The following CSMD1 variants were observed in gnomAD, a reference collection of about 807,000 sequenced individuals.
CSMD1 encodes CUB and Sushi multiple domains 1.
In CSMD1, 213 loss-of-function variants were observed where a neutral mutation model predicts 417.5. The ratio of observed to expected loss-of-function variants is 0.51; its 90% CI spans 0.46 to 0.57. The LOEUF is 0.57. Among genes scored for constraint, CSMD1 ranks in the 20% least tolerant of loss-of-function variants. The probability of loss-of-function intolerance (pLI) is 0.00; values close to 1 mark genes in which losing one functional copy is unlikely to be tolerated. For synonymous variants in CSMD1, 2,862 were observed against 1,736.8 expected, an observed-to-expected ratio of 1.65 and a Z score of -16.11; for missense variants, 6,923 against 4,529.7, an observed-to-expected ratio of 1.53 and a Z score of -15.17.
At chr8:4,725,516 G>C (rs1457532312) in intron 1 of CSMD1, among the ~76,000 whole-genome samples, 1 of 152,146 alleles carries the variant, frequency 6.6e-6, no homozygotes, top group Non-Finnish European at 1.5e-5. Context: ...ATCGCACAGA[G>C]ATTTCCATTT....
intron 3 of CSMD1, among the ~76,000 whole-genome samples, chr8:4,230,371 C>T (rs1418568173): frequency 1.3e-5 from 2 of 152,134 alleles, no homozygotes; most frequent in African/African-American, 4.8e-5. Context: ...TGGTGACCTA[C>T]CTGAGGTCAG....
At chr8:4,113,786 C>T (rs1801986473) in intron 3 of CSMD1, among the ~76,000 whole-genome samples, 1 of 152,158 alleles carries the variant, frequency 6.6e-6, no homozygotes, top group Admixed American at 6.5e-5. Flanking sequence ...AAGTTATCTG[C>T]ATAAAACACC....
At chr8:3,104,610 T>A (rs1815996178) in intron 46 of CSMD1, among the ~76,000 whole-genome samples, 1 of 152,214 alleles carries the variant, frequency 6.6e-6, no homozygotes. Flanking sequence ...CCAATTTTTC[T>A]TCAGATGTAG....
In CSMD1 at chr8:3,144,004, T is replaced by C. The variant is rs542166273; in HGVS notation, c.6032-1330A>G. On this transcript the variant is annotated intron_variant, in intron 40 of 69. Transcript: ENST00000635120. ...ATTTAAAGTCATACAAGAAAAACAA[T>C]TTCATTAATTATGGAGAAACTTGGC... Among the ~76,000 whole-genome samples the C allele has an allele frequency of 3.9e-5, 6 of 152,284 alleles. No homozygotes were observed. The East Asian group carries it at 1.2e-3, about 29-fold the overall frequency.
At chr8:3,776,510 C>T (rs1326223030) in intron 5 of CSMD1, among the ~76,000 whole-genome samples, 1 of 152,130 alleles carries the variant, frequency 6.6e-6, no homozygotes, top group East Asian at 1.9e-4. Context: ...TCTTAAACAC[C>T]CTGGGGCCTT....
At chr8:3,280,523 T>C (rs934320714) in intron 26 of CSMD1, among the ~76,000 whole-genome samples, 2 of 152,190 alleles carry the variant, frequency 1.3e-5, no homozygotes, top group Non-Finnish European at 2.9e-5. Context: ...GTCAATGTTA[T>C]ATTCTAGCCC....
At chr8:3,171,880 T>A (rs1383318639) in intron 37 of CSMD1, among the ~76,000 whole-genome samples, 1 of 152,192 alleles carries the variant, frequency 6.6e-6, no homozygotes, top group African/African-American at 2.4e-5. Context: ...TTAATACTTG[T>A]TAAATAGTTT....
At chr8:3,688,642 G>T (rs1206129179) in intron 7 of CSMD1, among the ~76,000 whole-genome samples, 4 of 152,132 alleles carry the variant, frequency 2.6e-5, no homozygotes, top group Non-Finnish European at 5.9e-5. Flanking sequence ...ACAAATTCTA[G>T]ATTTTTCAGT....
At chr8:4,169,244 G>A (rs1008779504) in intron 3 of CSMD1, among the ~76,000 whole-genome samples, 1 of 152,088 alleles carries the variant, frequency 6.6e-6, no homozygotes. Context: ...TCTCAATACT[G>A]CACACAGATG....
At chr8:4,522,657 C>T (rs1180154045) in intron 2 of CSMD1, among the ~76,000 whole-genome samples, 1 of 152,140 alleles carries the variant, frequency 6.6e-6, no homozygotes, top group Non-Finnish European at 1.5e-5. Flanking sequence ...ATTTTCTTCT[C>T]TGTCCGCAGC....
At chr8:4,708,409 G>T (rs528968152) in intron 1 of CSMD1, among the ~76,000 whole-genome samples, 4 of 152,054 alleles carry the variant, frequency 2.6e-5, no homozygotes, top group African/African-American at 4.8e-5. Flanking sequence ...ATATGTATCT[G>T]GTAAAAAGTA....
chr8:3,738,809 C>A (rs776311857), intron 6 of CSMD1, among the ~76,000 whole-genome samples: 2 of 152,180 alleles, frequency 1.3e-5, no homozygotes, highest in Non-Finnish European at 2.9e-5. Flanking sequence ...TAGGCTCACA[C>A]GCGTGACACC....
At chr8:4,122,554 G>A (rs937120612) in intron 3 of CSMD1, among the ~76,000 whole-genome samples, 2 of 152,158 alleles carry the variant, frequency 1.3e-5, no homozygotes, top group South Asian at 2.1e-4. Flanking sequence ...GTCACCCCGT[G>A]CTTTCCCAAT....
Position 3,369,340 on chromosome 8 carries a change from C to G in CSMD1, c.2813G>C (p.Ser938Thr), listed in dbSNP as rs754608415. Reference protein sequence around the residue: ...ALCGGYIQGKSGTVLSPGFPD... With the variant: ...ALCGGYIQGKTGTVLSPGFPD... ...AAACCCAGGAGAAAGGACTGTTCCA[C>G]TCTTCCCTTGGATGTAGCCTCCACA... The change falls in exon 19 of 70, where the codon AGT (serine) becomes ACT (threonine). Residue 938 changes from serine to threonine, a missense_variant. Ser to Thr is a moderately conservative substitution (Grantham distance 58). Transcript: ENST00000635120. 2 of 1,599,344 alleles carry G rather than the reference C, an allele frequency of 1.3e-6. 1 individual carries two copies. The highest frequency in any genetic ancestry group is 2.2e-5 in the South Asian group (2 of 90,422).
chr8:3,264,453 C>T (rs141935530), intron 26 of CSMD1, among the ~76,000 whole-genome samples: 2 of 152,062 alleles, frequency 1.3e-5, no homozygotes, highest in Non-Finnish European at 2.9e-5. Context: ...TTATTTCTGT[C>T]AGTTTGAATC....
At chr8:4,904,191 A>G (rs958307732) in intron 1 of CSMD1, among the ~76,000 whole-genome samples, 12 of 152,178 alleles carry the variant, frequency 7.9e-5, no homozygotes, top group Admixed American at 2.0e-4. Context: ...AACTCTGGTC[A>G]TAACATGATG....
At chr8:4,944,499 C>A (rs1371235047) in intron 1 of CSMD1, among the ~76,000 whole-genome samples, 1 of 152,162 alleles carries the variant, frequency 6.6e-6, no homozygotes, top group Non-Finnish European at 1.5e-5. Flanking sequence ...CTTGGGAAAG[C>A]TGAAAGAACA....
intron 5 of CSMD1, among the ~76,000 whole-genome samples, chr8:3,992,246 T>C (rs2257316): frequency 0.19 from 28,497 of 151,966 alleles, 3,040 homozygotes; most frequent in Non-Finnish European, 0.24. Flanking sequence ...AAAACAACAC[T>C]TCTAAGCTCT....
intron 3 of CSMD1, among the ~76,000 whole-genome samples, chr8:4,295,011 G>C (rs1797580731): frequency 6.7e-6 from 1 of 148,484 alleles, no homozygotes; most frequent in African/African-American, 2.5e-5. Flanking sequence ...AATCTAAGGT[G>C]TTAAGATTAT....
Sources: gnomAD v4.1 joint callset for allele counts (sites outside exome capture counted in the v4.1 genomes callset) on GRCh38, gnomAD v4.1.1 for gene constraint, MANE v1.5 for transcripts, NCBI Gene and HGNC (gene_info 2026-07-23, HGNC 2026-07-21) for gene names.